The following ADSL variants were observed in gnomAD, a reference collection of about 807,000 sequenced individuals.
The protein encoded by ADSL is adenylosuccinase.
ADSL carries 44 observed loss-of-function variants against 62.1 expected under a neutral mutation model. That is an observed-to-expected ratio of 0.71 (90% CI 0.56 to 0.91). The LOEUF (loss-of-function observed/expected upper bound fraction) is 0.91, where lower values mean the gene tolerates loss of function less well. Ranked by LOEUF, ADSL falls within the 40% of genes least tolerant of loss-of-function variation. The probability of loss-of-function intolerance (pLI) is 0.00; values close to 1 mark genes in which losing one functional copy is unlikely to be tolerated. For synonymous variants in ADSL, 198 were observed against 220.5 expected, an observed-to-expected ratio of 0.90 and a Z score of 0.90; for missense variants, 531 against 627.4, an observed-to-expected ratio of 0.85 and a Z score of 1.64.
At chr22:40,386,754 G>T (rs1258382794) in intron 2 of ADSL, among the ~76,000 whole-genome samples, 1 of 151,382 alleles carries the variant, frequency 6.6e-6, no homozygotes, top group Non-Finnish European at 1.5e-5. Flanking sequence ...TATGAGAGAT[G>T]AACCCAAAGG....
chr22:40,385,637 T>G (rs1398005600), intron 2 of ADSL, among the ~76,000 whole-genome samples: 1 of 152,180 alleles, frequency 6.6e-6, no homozygotes, highest in Non-Finnish European at 1.5e-5. Flanking sequence ...TCGTTAAAGC[T>G]GGAGTACAGT....
chr22:40,386,557 TCTTA>T (rs1197483756), intron 2 of ADSL, among the ~76,000 whole-genome samples: 2 of 148,138 alleles, frequency 1.4e-5, no homozygotes, highest in African/African-American at 2.5e-5. Flanking sequence ...AGTCCAATTT[TCTTA>T]CTTTTTTTTT....
rs1448844975 is a variant in ADSL at position 40,353,621 on chromosome 22, C to A, written c.402+504C>A. ...GACTAAATGGTTTTTAAAGCATAGC[C>A]TTTTTTTTTTTTTTTTTTTTTTGAG... is the stretch of plus-strand genomic sequence containing the variant. On this transcript the variant is annotated intron_variant, in intron 3 of 12. Transcript: ENST00000623063. 2.6e-5 allele frequency among the ~76,000 whole-genome samples: 3 copies of A among 114,770 alleles called. No homozygotes were observed. In the East Asian group the frequency reaches 7.9e-4, roughly 30 times the overall value. 75.3% of individuals were successfully genotyped at this position (114,770 alleles called of 152,430 possible).
intron 6 of ADSL, among the ~76,000 whole-genome samples, 170 bp downstream of exon 6, chr22:40,359,476 C>CGTT (rs2044689862): frequency 2.3e-5 from 1 of 43,870 alleles, no homozygotes; most frequent in Non-Finnish European, 3.9e-5. Context: ...TATCTGGATT[C>CGTT]TTTTTTTTTT....
intron 2 of ADSL, among the ~76,000 whole-genome samples, chr22:40,380,910 G>A (rs1300168711): frequency 6.6e-6 from 1 of 151,972 alleles, no homozygotes; most frequent in Non-Finnish European, 1.5e-5. Context: ...CCTCCAGCCT[G>A]GACAACAGAG....
chr22:40,359,572 CTG>C (rs1370966686), intron 6 of ADSL, among the ~76,000 whole-genome samples: 1 of 145,316 alleles, frequency 6.9e-6, no homozygotes, highest in African/African-American at 2.5e-5. Context: ...GGGTCTTACT[CTG>C]TCACCCAGGC....
At chr22:40,371,140 C>T (rs2045369974), downstream of ADSL, among the ~76,000 whole-genome samples, 1 of 152,232 alleles carries the variant, frequency 6.6e-6, no homozygotes, top group Admixed American at 6.5e-5. Context: ...GGTGCAGAAC[C>T]CGGGCTCGGA....
At position 40,359,285 on chromosome 22, in the gene ADSL, C is replaced by CA; in HGVS notation, c.681dup (p.Glu228ArgfsTer6). On this transcript the variant is annotated frameshift_variant, in exon 6 of 13. Coordinates refer to ENST00000623063, the MANE Select transcript of ADSL (RefSeq NM_000026.4). LOFTEE classifies it high-confidence loss of function. The stretch of plus-strand genomic sequence containing the variant: ...GTAGAGCAGCTTGACAAGATGGTGA[C>CA]AGAAAAGGCAGGATTTAAGAGGTAG... The CA allele has an allele frequency of 6.2e-7, 1 of 1,614,084 alleles. No individual in the cohort carries two copies. The highest frequency in any genetic ancestry group is 1.1e-5 in the South Asian group (1 of 91,078).
chr22:40,374,221 G>A (rs2046138156), downstream of ADSL, among the ~76,000 whole-genome samples: 2 of 152,168 alleles, frequency 1.3e-5, no homozygotes, highest in Admixed American at 6.5e-5. Context: ...CAAAGTGCTG[G>A]GATTACAGGT....
Position 40,366,601 on chromosome 22 carries a change from CT to C in ADSL, c.*80del, listed in dbSNP as rs1240444894. On this transcript the variant is annotated 3_prime_UTR_variant, in exon 13 of 13. Coordinates refer to ENST00000623063, the MANE Select transcript of ADSL (RefSeq NM_000026.4). ...GTGTTACTATAATGCCTTATTTTAC[CT>C]CGAGAATTGTTACCTTAAATTAGTA... 1 of 1,047,974 alleles carries C rather than the reference CT, an allele frequency of 9.5e-7. No homozygotes were observed. Among genetic ancestry groups the C allele is most frequent in the East Asian group, 2.5e-5 (1 of 40,716 alleles). 64.9% of individuals were successfully genotyped at this position (1,047,974 alleles called of 1,614,324 possible).
At chr22:40,354,072 T>G in intron 3 of ADSL, 176 bp from the exon 4 acceptor site, 1 of 658,812 alleles carries the variant, frequency 1.5e-6, no homozygotes, top group Non-Finnish European at 2.7e-6. Flanking sequence ...TTTCAAATTT[T>G]GGTTACTGTG....
At chr22:40,385,974 C>T (rs2048354199) in intron 2 of ADSL, among the ~76,000 whole-genome samples, 1 of 152,030 alleles carries the variant, frequency 6.6e-6, no homozygotes, top group South Asian at 2.1e-4. Flanking sequence ...ATCTCAACTT[C>T]CCAGGTAGCT....
chr22:40,348,393 T>G (rs1219278489), intron 1 of ADSL: 1 of 397,898 alleles, frequency 2.5e-6, no homozygotes, highest in African/African-American at 2.1e-5. Context: ...ATTTATATAT[T>G]TAGGTTTTGA....
chr22:40,356,863 C>T (rs944220622), intron 4 of ADSL, among the ~76,000 whole-genome samples: 3 of 151,984 alleles, frequency 2.0e-5, no homozygotes, highest in African/African-American at 7.2e-5. Context: ...AGAAATTGGA[C>T]ATTAGGGCAA....
intron 4 of ADSL, among the ~76,000 whole-genome samples, chr22:40,356,172 A>G (rs1043499384): frequency 4.0e-5 from 6 of 151,352 alleles, no homozygotes; most frequent in Admixed American, 6.6e-5. Context: ...ATTGCACTCC[A>G]GCCTAGGTGA....
At chr22:40,375,709 C>A (rs942340072) in intron 2 of ADSL, among the ~76,000 whole-genome samples, 3 of 151,156 alleles carry the variant, frequency 2.0e-5, no homozygotes. Flanking sequence ...ACTTTTCTCA[C>A]CCTTCTCTAG....
intron 4 of ADSL, among the ~76,000 whole-genome samples, chr22:40,357,027 C>G (rs1468233379): frequency 6.6e-6 from 1 of 152,106 alleles, no homozygotes; most frequent in African/African-American, 2.4e-5. Flanking sequence ...TCCCAAGTAC[C>G]TGGGATTACA....
At chr22:40,369,643 A>G (rs6001889), downstream of ADSL, among the ~76,000 whole-genome samples, 9 of 151,916 alleles carry the variant, frequency 5.9e-5, no homozygotes, top group South Asian at 1.0e-3. Flanking sequence ...AGCTGGGACT[A>G]TGGCACACAC....
intron 2 of ADSL, 144 bp downstream of exon 2, chr22:40,350,179 GAGTGCAGTGGCAC>G: frequency 1.3e-6 from 1 of 752,368 alleles, no homozygotes; most frequent in South Asian, 1.8e-5. Flanking sequence ...TCCCAGACTG[GAGTGCAGTGGCAC>G]GGCTCACTGC....
Sources: allele counts gnomAD v4.1 joint callset (sites outside exome capture counted in the v4.1 genomes callset), GRCh38; gene constraint gnomAD v4.1.1; transcripts MANE v1.5; gene names NCBI Gene and HGNC (gene_info 2026-07-23, HGNC 2026-07-21).